Variants in RGCC observed in about 807,000 individuals in gnomAD.
The protein encoded by RGCC is regulator of cell cycle RGCC.
In RGCC, 15 loss-of-function variants were observed where a neutral mutation model predicts 15.4. The ratio of observed to expected loss-of-function variants is 0.97; its 90% CI spans 0.65 to 1.50. The LOEUF is 1.50. Among genes scored for constraint, RGCC ranks in the 40% most tolerant of loss-of-function variants. The pLI is 0.00. For missense variants in RGCC, 176 were observed against 189.7 expected (o/e 0.93, Z 0.42); for synonymous variants, 81 against 78.0 (o/e 1.04, Z -0.20).
intron 2 of RGCC, 78 bp from the exon 3 acceptor site, chr13:41,466,745 T>C (rs1241209600): frequency 9.9e-7 from 1 of 1,008,196 alleles, no homozygotes; most frequent in Non-Finnish European, 1.5e-6. Flanking sequence ...AAATTGTTGG[T>C]TATCAATAGA....
intron 4 of RGCC, among the ~76,000 whole-genome samples, chr13:41,469,307 G>T (rs868675516): frequency 0.02 from 2,437 of 119,972 alleles, 23 homozygotes; most frequent in Middle Eastern, 0.034. Context: ...AGAAGAAGAA[G>T]AAGAAGAAGA....
chr13:41,461,648 T>C (rs1285193842), intron 2 of RGCC, among the ~76,000 whole-genome samples: 1 of 152,234 alleles, frequency 6.6e-6, no homozygotes, highest in Non-Finnish European at 1.5e-5. Flanking sequence ...CTGTGTATGC[T>C]AGGGTTATTA....
At position 41,458,529 on chromosome 13, in the gene RGCC, G is replaced by C; in HGVS notation, c.235+59G>C. The C allele has an allele frequency of 6.7e-7, 1 of 1,491,906 alleles. No individual in the cohort carries two copies. Among genetic ancestry groups the C allele is most frequent in the Non-Finnish European group, 9.0e-7 (1 of 1,113,804 alleles). The allele number at this position is 1,491,906 out of a possible 1,614,324, so 92.4% of individuals were successfully genotyped here. A position where few individuals can be genotyped will look rare whatever the true frequency, so the allele number is the denominator to read the frequency against. On this transcript the variant is annotated intron_variant, in intron 2 of 4. Transcript: ENST00000379359. This position sits in a 1 kb window ranked among gnomAD's most constrained non-coding sequence, Gnocchi z 4.4. Reference sequence around the variant, plus strand: ...TCTCCCAGCTCCCAGGACCTGCCCCGCGAAGGCTGCGGCCTCAGTTTTCTT... The same window carrying C: ...TCTCCCAGCTCCCAGGACCTGCCCCCCGAAGGCTGCGGCCTCAGTTTTCTT...
Position 41,469,002 on chromosome 13 carries a change from G to A in RGCC, c.406+164G>A, listed in dbSNP as rs181677690. Among the ~76,000 whole-genome samples the A allele has an allele frequency of 2.5e-3, 383 of 152,316 alleles. 2 individuals carry two copies. The highest frequency in any genetic ancestry group is 8.9e-3 in the African/African-American group (369 of 41,560). ...TAGGCCGGGGCAGTGGCTCACGCCT[G>A]TAATCCCAGCACTTTGGAAGGCTGA... On this transcript the variant is annotated intron_variant, in intron 4 of 4. Coordinates refer to ENST00000379359, the MANE Select transcript of RGCC (RefSeq NM_014059.3).
intron 2 of RGCC, among the ~76,000 whole-genome samples, chr13:41,463,476 TG>T (rs2043831792): frequency 9.9e-4 from 1 of 1,010 alleles, no homozygotes; most frequent in Non-Finnish European, 7.5e-3. Context: ...TATCTGTGTG[TG>T]TGTGTGTGTG....
intron 2 of RGCC, among the ~76,000 whole-genome samples, chr13:41,463,567 G>A (rs577308988): frequency 3.3e-5 from 5 of 151,876 alleles, no homozygotes; most frequent in African/African-American, 9.7e-5. Flanking sequence ...CTCTGTTTGC[G>A]TGTGTTTCTA....
intron 2 of RGCC, among the ~76,000 whole-genome samples, chr13:41,466,442 G>A (rs1322260589): frequency 2.0e-5 from 3 of 152,076 alleles, no homozygotes; most frequent in Non-Finnish European, 4.4e-5. Flanking sequence ...AGGCTGGAGT[G>A]CAGTGGTGTG....
In RGCC at chr13:41,466,949, A is replaced by T. The variant is rs1422337682; in HGVS notation, c.343+19A>T. The T allele has an allele frequency of 6.3e-7, 1 of 1,580,036 alleles. No homozygotes were observed. Among genetic ancestry groups the T allele is most frequent in the Non-Finnish European group, 8.7e-7 (1 of 1,149,366 alleles). On this transcript the variant is annotated intron_variant, in intron 3 of 4. Coordinates refer to ENST00000379359, the MANE Select transcript of RGCC (RefSeq NM_014059.3). ...CAGAAAGGTAAGGTCATTAGTTGGA[A>T]TTTGAGTTTTTTGCTTTTTTATTCC...
chr13:41,461,446 T>A (rs1313546490), intron 2 of RGCC, among the ~76,000 whole-genome samples: 1 of 152,258 alleles, frequency 6.6e-6, no homozygotes, highest in African/African-American at 2.4e-5. Context: ...TTTTCTCAAA[T>A]GTGTTAAATG....
At chr13:41,459,402 C>T (rs976203622) in intron 2 of RGCC, among the ~76,000 whole-genome samples, 5 of 152,224 alleles carry the variant, frequency 3.3e-5, no homozygotes, top group African/African-American at 1.2e-4. Context: ...GAATGTCACT[C>T]CTTTTGCTGC....
chr13:41,467,370 G>A (rs1338550943), intron 3 of RGCC, among the ~76,000 whole-genome samples: 3 of 152,216 alleles, frequency 2.0e-5, no homozygotes, highest in Non-Finnish European at 4.4e-5. Flanking sequence ...GCAATTAAAT[G>A]GGGTTGTCAT....
At chr13:41,468,986 G>C in intron 4 of RGCC, 148 bp downstream of exon 4, 1 of 613,940 alleles carries the variant, frequency 1.6e-6, no homozygotes, top group East Asian at 2.9e-5. Context: ...CTAGGCCGGG[G>C]CAGTGGCTCA....
At chr13:41,467,254 G>C (rs2043853661) in intron 3 of RGCC, among the ~76,000 whole-genome samples, 1 of 152,198 alleles carries the variant, frequency 6.6e-6, no homozygotes, top group African/African-American at 2.4e-5. Context: ...TCTCCTCCCA[G>C]ACTTGTTGGT....
rs1359187010 is a variant in RGCC, at chr13:41,458,634, G to C, written c.235+164G>C. Reference sequence around the variant, plus strand: ...GCGGGGCCCCTGACGATAATCACGGGAAAGGTCGCTGGAGGGCAGGTTGGT... The same window carrying C: ...GCGGGGCCCCTGACGATAATCACGGCAAAGGTCGCTGGAGGGCAGGTTGGT... On this transcript the variant is annotated intron_variant, in intron 2 of 4. Coordinates refer to ENST00000379359, the MANE Select transcript of RGCC (RefSeq NM_014059.3). This position sits in a 1 kb window ranked among gnomAD's most constrained non-coding sequence, Gnocchi z 4.4. Among the ~76,000 whole-genome samples, 1 of 152,224 alleles carries C rather than the reference G, an allele frequency of 6.6e-6. No individual in the cohort carries two copies. Among genetic ancestry groups the C allele is most frequent in the African/African-American group, 2.4e-5 (1 of 41,460 alleles).
intron 4 of RGCC, among the ~76,000 whole-genome samples, chr13:41,469,186 G>A (rs1030135054): frequency 7.9e-5 from 12 of 151,952 alleles, no homozygotes; most frequent in South Asian, 2.1e-4. Flanking sequence ...ACTTGAACCC[G>A]GGAGGCAGAG....
rs992459081 is a variant in RGCC, at chr13:41,458,400, G to A, written c.165G>A (p.Glu55=). The A allele has an allele frequency of 1.2e-6, 2 of 1,600,524 alleles. No individual in the cohort carries two copies. The highest frequency in any genetic ancestry group is 8.5e-7 in the Non-Finnish European group (1 of 1,178,596). The change falls in exon 2 of 5, where the codon GAG becomes GAA. Residue 55 remains glutamate, a synonymous_variant. Transcript: ENST00000379359. The surrounding 1 kb of genome is among the most constrained non-coding windows in gnomAD (Gnocchi z 4.4). The stretch of plus-strand genomic sequence containing the variant: ...ACGAGCGCCACTTCCACTACGAGGA[G>A]CACCTGGAGCGCATGAAGCGGCGCA... ...PFHERHFHYE[E]HLERMKRRSS...
rs572207656 is a variant in RGCC, at chr13:41,458,422, C to T, written c.187C>T (p.Arg63Cys). Residue 63 changes from arginine to cysteine, a missense_variant, in exon 2 of 5, where the codon CGC becomes TGC. Transcript: ENST00000379359. The surrounding 1 kb of genome is among the most constrained non-coding windows in gnomAD (Gnocchi z 4.4). The part of the protein sequence containing the change: ...YEEHLERMKR[R>C]SSASVSDSSG... ...GGAGCACCTGGAGCGCATGAAGCGG[C>T]GCAGCAGCGCCAGTGTCAGCGACAG... The T allele has an allele frequency of 6.2e-7, 1 of 1,601,646 alleles. No homozygotes were observed. The highest frequency in any genetic ancestry group is 8.5e-7 in the Non-Finnish European group (1 of 1,178,826).
At chr13:41,469,795 T>A (rs2043866931) in intron 4 of RGCC, among the ~76,000 whole-genome samples, 1 of 152,106 alleles carries the variant, frequency 6.6e-6, no homozygotes, top group African/African-American at 2.4e-5. Context: ...ACTGAAGACA[T>A]CAAATTATAA....
rs1407249693 is a variant in RGCC at position 41,458,079 on chromosome 13, C to T, written c.50-206C>T. ...CTGGGCCTGGCGAAGGCTCAGTTTT[C>T]TTGTCTGTAAAACGGACTTGGTAAT... On this transcript the variant is annotated intron_variant, in intron 1 of 4. Transcript: ENST00000379359. The surrounding 1 kb of genome is among the most constrained non-coding windows in gnomAD (Gnocchi z 4.4). Among the ~76,000 whole-genome samples, 1 of 152,224 alleles carries T rather than the reference C, an allele frequency of 6.6e-6. No individual in the cohort carries two copies. The highest frequency in any genetic ancestry group is 1.5e-5 in the Non-Finnish European group (1 of 68,034).
Sources: allele counts gnomAD v4.1 joint callset (sites outside exome capture counted in the v4.1 genomes callset), GRCh38; gene constraint gnomAD v4.1.1; non-coding constraint Gnocchi (gnomAD v3.1); transcripts MANE v1.5; gene names NCBI Gene and HGNC (gene_info 2026-07-23, HGNC 2026-07-21).